The following KLHL32 variants were observed in gnomAD, a reference collection of about 807,000 sequenced individuals.
KLHL32 encodes the protein kelch-like protein 32.
A neutral mutation model predicts 64.8 loss-of-function variants in KLHL32; 35 were observed. The observed-to-expected ratio is 0.54, with a 90% CI of 0.41 to 0.72. KLHL32 has a LOEUF of 0.72. Ranked by LOEUF, KLHL32 falls within the 30% of genes least tolerant of loss-of-function variation. The pLI, the probability that KLHL32 is intolerant of heterozygous loss-of-function variation, is 0.00. For missense variants in KLHL32, 589 were observed against 768.5 expected (o/e 0.77, Z 2.76); for synonymous variants, 259 against 281.0 (o/e 0.92, Z 0.78).
At chr6:96,999,180 G>C (rs1418731130) in intron 3 of KLHL32, among the ~76,000 whole-genome samples, 1 of 152,148 alleles carries the variant, frequency 6.6e-6, no homozygotes, top group Non-Finnish European at 1.5e-5. Context: ...AGGATCATTT[G>C]AGCCCAGGAG....
At chr6:97,058,440 C>CAT (rs1241304534) in intron 4 of KLHL32, among the ~76,000 whole-genome samples, 3 of 152,110 alleles carry the variant, frequency 2.0e-5, no homozygotes, top group South Asian at 2.1e-4. Flanking sequence ...TAGTTTTCCT[C>CAT]ATATATATAT....
chr6:96,916,871 T>A, the KLHL32 span, among the ~76,000 whole-genome samples: 1 of 152,230 alleles, frequency 6.6e-6, no homozygotes, highest in Non-Finnish European at 1.5e-5. Context: ...GTGCTCATCA[T>A]AAAGGAACTG....
chr6:96,960,431 A>G (rs936001115), intron 1 of KLHL32, among the ~76,000 whole-genome samples: 4 of 152,142 alleles, frequency 2.6e-5, no homozygotes, highest in Non-Finnish European at 5.9e-5. Flanking sequence ...CACTCCTTTG[A>G]GTTACTCATA....
intron 3 of KLHL32, among the ~76,000 whole-genome samples, chr6:97,019,937 T>A (rs1206098): frequency 0.099 from 13,584 of 136,572 alleles, 688 homozygotes; most frequent in Non-Finnish European, 0.13. Flanking sequence ...CCATCACCAC[T>A]CCCGGCGAAT....
At position 97,130,801 on chromosome 6, in the gene KLHL32, C is replaced by CA. The variant is rs1346016584; in HGVS notation, c.1458_1459insA (p.His487ThrfsTer17). The CA allele has an allele frequency of 6.2e-7, 1 of 1,614,002 alleles. No individual in the cohort carries two copies. Among genetic ancestry groups the CA allele is most frequent in the Admixed American group, 1.7e-5 (1 of 60,010 alleles). ...GCCCCATGCTGCAGAGAAGGGTCTA[C>CA]CATTCCATGGCTGCTGTACAAAGGA... On this transcript the variant is annotated frameshift_variant, in exon 9 of 11. Coordinates refer to ENST00000369261, the MANE Select transcript of KLHL32 (RefSeq NM_052904.4). LOFTEE classifies it high-confidence loss of function.
At chr6:96,978,852 T>G (rs1481702137) in intron 3 of KLHL32, among the ~76,000 whole-genome samples, 1 of 152,252 alleles carries the variant, frequency 6.6e-6, no homozygotes, top group Non-Finnish European at 1.5e-5. Flanking sequence ...TGGTGTGAGA[T>G]AGTATCTCAT....
At chr6:96,940,865 T>C (rs2127999221) in intron 1 of KLHL32, among the ~76,000 whole-genome samples, 1 of 152,320 alleles carries the variant, frequency 6.6e-6, no homozygotes, top group South Asian at 2.1e-4. Context: ...AGAGAAAAGA[T>C]ATAACAATAA....
intron 1 of KLHL32, among the ~76,000 whole-genome samples, chr6:96,929,015 T>C (rs1437907696): frequency 6.6e-6 from 1 of 152,108 alleles, no homozygotes; most frequent in Non-Finnish European, 1.5e-5. Flanking sequence ...CCTGGTTGGG[T>C]CAATGTTTTT....
At chr6:97,016,402 TG>T (rs1393756387) in intron 3 of KLHL32, among the ~76,000 whole-genome samples, 1 of 152,276 alleles carries the variant, frequency 6.6e-6, no homozygotes, top group Non-Finnish European at 1.5e-5. Flanking sequence ...GAGATCATTT[TG>T]GAACTTTAAG....
intron 10 of KLHL32, 114 bp downstream of exon 10, chr6:97,132,861 C>A: frequency 1.5e-6 from 1 of 684,080 alleles, no homozygotes; most frequent in Non-Finnish European, 2.4e-6. Context: ...CTTAACGTCC[C>A]GTTTTTTGTG....
At chr6:97,061,600 C>T (rs1377811253) in intron 4 of KLHL32, among the ~76,000 whole-genome samples, 2 of 152,186 alleles carry the variant, frequency 1.3e-5, no homozygotes, top group African/African-American at 2.4e-5. Context: ...TTCTTCCTAT[C>T]TGTCCTGGTT....
At chr6:96,931,122 A>G (rs1197884506) in intron 1 of KLHL32, among the ~76,000 whole-genome samples, 1 of 152,194 alleles carries the variant, frequency 6.6e-6, no homozygotes, top group African/African-American at 2.4e-5. Flanking sequence ...ACAAACAAAC[A>G]AACAAAAAAC....
the KLHL32 span, among the ~76,000 whole-genome samples, chr6:96,913,822 G>C: frequency 6.6e-6 from 1 of 152,236 alleles, no homozygotes; most frequent in East Asian, 1.9e-4. Context: ...TGTCCCCTCC[G>C]TCATGGGGGA....
At chr6:97,017,991 G>A (rs1781464977) in intron 3 of KLHL32, among the ~76,000 whole-genome samples, 1 of 151,936 alleles carries the variant, frequency 6.6e-6, no homozygotes, top group Non-Finnish European at 1.5e-5. Flanking sequence ...TGGGAATTTG[G>A]GTTTTATCTA....
At chr6:96,945,470 C>T (rs1457254453) in intron 1 of KLHL32, among the ~76,000 whole-genome samples, 1 of 152,182 alleles carries the variant, frequency 6.6e-6, no homozygotes, top group Admixed American at 6.5e-5. Flanking sequence ...AGTGGGCCAG[C>T]GTCAGAGCAA....
At chr6:96,994,528 A>G (rs1778218686) in intron 3 of KLHL32, 9 of 985,190 alleles carry the variant, frequency 9.1e-6, no homozygotes, top group Non-Finnish European at 1.1e-5. Context: ...AGCTCAAGTA[A>G]TTGTTGTTCT....
At chr6:97,018,491 G>C (rs946338612) in intron 3 of KLHL32, among the ~76,000 whole-genome samples, 2 of 151,512 alleles carry the variant, frequency 1.3e-5, no homozygotes, top group Non-Finnish European at 2.9e-5. Context: ...TGCTCAGGAG[G>C]CTGAGGCAGG....
intron 3 of KLHL32, among the ~76,000 whole-genome samples, chr6:97,020,524 C>A (rs886219595): frequency 2.0e-5 from 3 of 150,746 alleles, no homozygotes; most frequent in Non-Finnish European, 4.4e-5. Context: ...CCTACTAGTA[C>A]TATCAACTCT....
At chr6:97,105,765 C>CA (rs10711890) in intron 6 of KLHL32, among the ~76,000 whole-genome samples, 26,635 of 147,832 alleles carry the variant, frequency 0.18, 2,640 homozygotes, top group East Asian at 0.35. Context: ...TAGACCAAGA[C>CA]AAAAAAAAAA....
Sources: allele counts gnomAD v4.1 joint callset (sites outside exome capture counted in the v4.1 genomes callset), GRCh38; gene constraint gnomAD v4.1.1; transcripts MANE v1.5; gene names NCBI Gene and HGNC (gene_info 2026-07-23, HGNC 2026-07-21).